The following LHPP variants were observed in gnomAD, a reference collection of about 807,000 sequenced individuals.
The protein encoded by LHPP is hLHPP.
Under a neutral mutation model 30.3 loss-of-function variants are expected in LHPP, and 24 were observed. That is an observed-to-expected ratio of 0.79 (90% CI 0.57 to 1.11). The LOEUF is 1.11. Among genes scored for constraint, LHPP ranks in the 50% most tolerant of loss-of-function variants. The probability of loss-of-function intolerance (pLI) is 0.00; values close to 1 mark genes in which losing one functional copy is unlikely to be tolerated. For missense variants in LHPP, 356 were observed against 367.2 expected, an observed-to-expected ratio of 0.97 and a Z score of 0.25; for synonymous variants, 150 against 157.1, an observed-to-expected ratio of 0.95 and a Z score of 0.34.
At chr10:124,479,068 CAAAAA>C (rs55880798) in intron 1 of LHPP, among the ~76,000 whole-genome samples, 5 of 135,220 alleles carry the variant, frequency 3.7e-5, no homozygotes, top group Admixed American at 7.3e-5. Context: ...GACTCTGTCT[CAAAAA>C]AAAAAAAAAA....
intron 6 of LHPP, among the ~76,000 whole-genome samples, chr10:124,535,295 C>T (rs1336347946): frequency 6.6e-6 from 1 of 152,234 alleles, no homozygotes; most frequent in Non-Finnish European, 1.5e-5. Flanking sequence ...AGCCTTTGAA[C>T]CCTGGGAGTC....
intron 6 of LHPP, chr10:124,554,017 G>A: frequency 4.1e-6 from 4 of 985,422 alleles, no homozygotes; most frequent in Non-Finnish European, 4.8e-6. Flanking sequence ...AGTCTTCTTC[G>A]AGAGACTCCA....
rs191123544 is a variant in LHPP at position 124,539,597 on chromosome 10, G to T, written c.716+22326G>T. 3.9e-3 allele frequency among the ~76,000 whole-genome samples: 593 copies of T among 152,256 alleles called. 4 individuals are homozygous for T. The highest frequency in any genetic ancestry group is 0.013 in the African/African-American group (550 of 41,552). ...CTAAAAATACAAAAATTAGCCAGGC[G>T]TGGTGGCTCACGCCTGTAATCTCAG... On this transcript the variant is annotated intron_variant, in intron 6 of 6. Transcript: ENST00000368842.
intron 5 of LHPP, among the ~76,000 whole-genome samples, chr10:124,499,640 G>A (rs944843693): frequency 2.0e-5 from 3 of 151,912 alleles, no homozygotes; most frequent in Non-Finnish European, 4.4e-5. Context: ...GGGTGATAGA[G>A]TGAGACTCCT....
At chr10:124,551,091 G>T (rs368392607) in intron 6 of LHPP, among the ~76,000 whole-genome samples, 10 of 152,242 alleles carry the variant, frequency 6.6e-5, no homozygotes, top group African/African-American at 2.4e-4. Flanking sequence ...CCCCAGGCCT[G>T]TCGCCATCAC....
At chr10:124,503,224 G>A (rs748825744) in intron 5 of LHPP, among the ~76,000 whole-genome samples, 4 of 150,588 alleles carry the variant, frequency 2.7e-5, no homozygotes, top group South Asian at 2.1e-4. Flanking sequence ...GTGCCACCAC[G>A]CCCATCTAAT....
chr10:124,587,381 G>A (rs1948818338), intron 6 of LHPP, among the ~76,000 whole-genome samples: 1 of 151,946 alleles, frequency 6.6e-6, no homozygotes, highest in South Asian at 2.1e-4. Flanking sequence ...GATTTCCTCT[G>A]GGGAAGCCAT....
At chr10:124,574,420 A>G (rs758343307) in intron 6 of LHPP, among the ~76,000 whole-genome samples, 1 of 152,158 alleles carries the variant, frequency 6.6e-6, no homozygotes, top group Non-Finnish European at 1.5e-5. Flanking sequence ...AGAACTTCAC[A>G]GGCAGAGAGC....
At chr10:124,567,337 C>T (rs2133976713) in intron 6 of LHPP, among the ~76,000 whole-genome samples, 1 of 152,362 alleles carries the variant, frequency 6.6e-6, no homozygotes, top group Middle Eastern at 3.4e-3. Context: ...CGAGTGCACG[C>T]CCGGGCCGAC....
intron 1 of LHPP, among the ~76,000 whole-genome samples, chr10:124,472,832 ACAGGCGTGAG>A (rs1221799141): frequency 2.6e-5 from 4 of 152,214 alleles, no homozygotes; most frequent in Admixed American, 6.5e-5. Context: ...TGCTGGGATT[ACAGGCGTGAG>A]CCACTGCGCC....
chr10:124,577,899 G>A (rs1387920992), intron 6 of LHPP, among the ~76,000 whole-genome samples: 2 of 152,080 alleles, frequency 1.3e-5, no homozygotes, highest in African/African-American at 4.8e-5. Context: ...TGAGCTACCT[G>A]AGGTGAGGTG....
At chr10:124,565,476 G>A (rs1948472329) in intron 6 of LHPP, among the ~76,000 whole-genome samples, 2 of 152,144 alleles carry the variant, frequency 1.3e-5, no homozygotes, top group Non-Finnish European at 2.9e-5. Context: ...GAGGATCCAT[G>A]GAGCTGGGGT....
chr10:124,584,699 C>T (rs1234116667), intron 6 of LHPP, among the ~76,000 whole-genome samples: 3 of 152,138 alleles, frequency 2.0e-5, no homozygotes, highest in African/African-American at 7.2e-5. Context: ...ACATTCAGAC[C>T]GTAGCAGGGA....
At chr10:124,462,587 G>A (rs568814636) in intron 1 of LHPP, among the ~76,000 whole-genome samples, 1 of 152,192 alleles carries the variant, frequency 6.6e-6, no homozygotes, top group East Asian at 1.9e-4. Context: ...AGAGCGAGAC[G>A]GTCTCATAAA....
Position 124,462,003 on chromosome 10 carries a change from G to T in LHPP, c.125+16G>T, listed in dbSNP as rs370394581. The T allele has an allele frequency of 1.2e-4, 140 of 1,207,532 alleles. No homozygotes were observed. The African/African-American group carries it at 1.9e-3, about 16-fold the overall frequency. The allele number at this position is 1,207,532 out of a possible 1,614,324, so 74.8% of individuals were successfully genotyped here. ...CGGTGGCCAGGTGAGTGGGCCCCGG[G>T]ACGCCGCTGGGGCCGCCGAGCTCTA... On this transcript the variant is annotated intron_variant, in intron 1 of 6. Transcript: ENST00000368842.
rs182038234 is a variant in LHPP at position 124,465,434 on chromosome 10, C to T, written c.125+3447C>T. 3.5e-3 allele frequency among the ~76,000 whole-genome samples: 532 copies of T among 152,276 alleles called. 1 individual carries two copies. Among genetic ancestry groups the T allele is most frequent in the African/African-American group, 0.012 (498 of 41,546 alleles). The stretch of plus-strand genomic sequence containing the variant: ...AGAAATACAAATGTAAAAAGTGAGA[C>T]ATACAAGTCAAATGAAAGCAAGGGA... On this transcript the variant is annotated intron_variant, in intron 1 of 6. Transcript: ENST00000368842.
chr10:124,540,610 G>A (rs547934052), intron 6 of LHPP, among the ~76,000 whole-genome samples: 44 of 152,340 alleles, frequency 2.9e-4, no homozygotes, highest in South Asian at 1.5e-3. Flanking sequence ...GGGGCTGCTC[G>A]GGGTGGCCTC....
chr10:124,583,183 T>C (rs1233733005), intron 6 of LHPP, among the ~76,000 whole-genome samples: 2 of 152,232 alleles, frequency 1.3e-5, no homozygotes, highest in Non-Finnish European at 2.9e-5. Context: ...CTCTTGTTGC[T>C]TATAGTTTTG....
intron 6 of LHPP, among the ~76,000 whole-genome samples, chr10:124,546,722 T>C (rs1282411128): frequency 6.6e-6 from 1 of 152,188 alleles, no homozygotes; most frequent in Non-Finnish European, 1.5e-5. Context: ...TGCGGTTGTA[T>C]CTTGGTGGGT....
Sources: allele counts gnomAD v4.1 joint callset (sites outside exome capture counted in the v4.1 genomes callset), GRCh38; gene constraint gnomAD v4.1.1; transcripts MANE v1.5; gene names NCBI Gene and HGNC (gene_info 2026-07-23, HGNC 2026-07-21).